ZNF197: variants seen among roughly 807,000 people sequenced by gnomAD.
The protein encoded by ZNF197 is zinc finger protein 197.
In ZNF197, 14 loss-of-function variants were observed where a neutral mutation model predicts 27.4. The observed-to-expected ratio is 0.51, with a 90% CI of 0.34 to 0.80. ZNF197 has a LOEUF of 0.80. Ranked by LOEUF, ZNF197 falls within the 30% of genes least tolerant of loss-of-function variation. ZNF197 has a pLI of 0.02. For missense variants in ZNF197, 1,090 were observed against 1,222.6 expected, an observed-to-expected ratio of 0.89 and a Z score of 1.62; for synonymous variants, 415 against 420.0, an observed-to-expected ratio of 0.99 and a Z score of 0.15.
At chr3:44,637,373 C>T (rs1245224980) in intron 5 of ZNF197, among the ~76,000 whole-genome samples, 1 of 152,192 alleles carries the variant, frequency 6.6e-6, no homozygotes, top group Non-Finnish European at 1.5e-5. Context: ...AGCGATCTTC[C>T]TGCCTCAGCC....
At chr3:44,631,370 T>C (rs1435994469) in intron 3 of ZNF197, 149 bp downstream of exon 3, 9 of 1,010,022 alleles carry the variant, frequency 8.9e-6, no homozygotes, top group South Asian at 1.7e-5. Context: ...GTTCTCTCCT[T>C]CTTTCTTGGG....
intron 5 of ZNF197, 65 bp from the exon 6 acceptor site, chr3:44,641,835 T>C: frequency 6.8e-7 from 1 of 1,471,420 alleles, no homozygotes; most frequent in Non-Finnish European, 9.0e-7. Context: ...TAAAGTCATT[T>C]GAAGATCCTG....
chr3:44,634,400 A>G (rs1003661153), intron 5 of ZNF197, among the ~76,000 whole-genome samples: 3 of 151,042 alleles, frequency 2.0e-5, no homozygotes, highest in Admixed American at 1.3e-4. Context: ...ATTTTCCTTT[A>G]TGGTCTTAGT....
rs1702974203 is a variant in ZNF197, at chr3:44,646,617, G to GA, written c.*2398dup. ...TTCAAAATATTATTATGATGAAAAA[G>GA]AGAGGGGAGTGAAAATTGTTCAAGC... On this transcript the variant is annotated 3_prime_UTR_variant, in exon 6 of 6. Coordinates refer to ENST00000344387, the MANE Select transcript of ZNF197 (RefSeq NM_006991.5). 1 of 781,102 alleles carries GA rather than the reference G, an allele frequency of 1.3e-6. No homozygotes were observed. The highest frequency in any genetic ancestry group is 1.7e-5 in the African/African-American group (1 of 57,754). 48.4% of individuals were successfully genotyped at this position (781,102 alleles called of 1,614,324 possible). A position where few individuals can be genotyped will look rare whatever the true frequency, so the allele number is the denominator to read the frequency against.
intron 5 of ZNF197, among the ~76,000 whole-genome samples, chr3:44,637,575 T>C (rs1047236502): frequency 1.3e-5 from 2 of 152,206 alleles, no homozygotes; most frequent in African/African-American, 4.8e-5. Context: ...TTTATGTCTA[T>C]GTTTTCTTTT....
In ZNF197 at chr3:44,646,413, T is replaced by A; in HGVS notation, c.*2193T>A. 6.2e-7 allele frequency: 1 copy of A among 1,607,260 alleles called. No individual in the cohort carries two copies. The highest frequency in any genetic ancestry group is 8.5e-7 in the Non-Finnish European group (1 of 1,176,898). ...GCTTAGATTGAGACAGCCCACATAA[T>A]GTGCCACCTTCTGTGATGTAATAAG... On this transcript the variant is annotated 3_prime_UTR_variant, in exon 6 of 6. Coordinates refer to ENST00000344387, the MANE Select transcript of ZNF197 (RefSeq NM_006991.5).
At chr3:44,629,676 T>C (rs1378460809) in intron 2 of ZNF197, 132 bp downstream of exon 2, 2 of 1,203,828 alleles carry the variant, frequency 1.7e-6, no homozygotes, top group African/African-American at 3.1e-5. Flanking sequence ...ACCTTAATGA[T>C]AATTAAAGCA....
chr3:44,646,213 A>G lies in ZNF197; in HGVS notation c.*1993A>G. Reference sequence around the variant, plus strand: ...TGGAGCCTTGAATTCCTCATCTGTTAAACAGGAGGAAGAATATCTACCTCA... The same window carrying G: ...TGGAGCCTTGAATTCCTCATCTGTTGAACAGGAGGAAGAATATCTACCTCA... On this transcript the variant is annotated 3_prime_UTR_variant, in exon 6 of 6. Coordinates refer to ENST00000344387, the MANE Select transcript of ZNF197 (RefSeq NM_006991.5). 1 of 979,768 alleles carries G rather than the reference A, an allele frequency of 1.0e-6. No individual in the cohort carries two copies. The highest frequency in any genetic ancestry group is 1.2e-6 in the Non-Finnish European group (1 of 824,806). 60.7% of individuals were successfully genotyped at this position (979,768 alleles called of 1,614,324 possible).
At position 44,646,753 on chromosome 3, in the gene ZNF197, T is replaced by G. The variant is rs759157103; in HGVS notation, c.*2533T>G. The G allele has an allele frequency of 1.4e-5, 7 of 489,850 alleles. No homozygotes were observed. Among genetic ancestry groups the G allele is most frequent in the Non-Finnish European group, 2.5e-5 (7 of 275,924 alleles). The allele number at this position is 489,850 out of a possible 1,614,324, so 30.3% of individuals were successfully genotyped here. On this transcript the variant is annotated 3_prime_UTR_variant, in exon 6 of 6. Transcript: ENST00000344387. ...GATGAGGAGGCTTGTTTTTAAAAGATAATACTAGAGAGCCGTTAGGTACTA... is the reference window on the plus strand; with the variant it reads ...GATGAGGAGGCTTGTTTTTAAAAGAGAATACTAGAGAGCCGTTAGGTACTA...
Position 44,641,983 on chromosome 3 carries a change from A to T in ZNF197, c.853A>T (p.Lys285Ter). The change falls in exon 6 of 6, where the codon AAA becomes TAA. Residue 285 changes from lysine (K) to a stop codon, truncating the protein, a stop_gained. Transcript: ENST00000344387. LOFTEE classifies it low-confidence loss of function (END_TRUNC). ...AGCAGACTCTCATAAAGGAACATCA[A>T]AAAGACTTCAAGGAAGTGTTCCCCA... ...QRADSHKGTS[K>*]RLQGSVPQVL... 6.2e-7 allele frequency: 1 copy of T among 1,613,686 alleles called. No homozygotes were observed. The highest frequency in any genetic ancestry group is 8.5e-7 in the Non-Finnish European group (1 of 1,179,678).
intron 1 of ZNF197, 84 bp downstream of exon 1, chr3:44,625,227 C>A (rs1187199716): frequency 1.3e-5 from 2 of 152,222 alleles, no homozygotes; most frequent in African/African-American, 4.8e-5. Context: ...GACTGCACAG[C>A]CCTCGGTAGC....
chr3:44,646,057 G>A lies in ZNF197; in HGVS notation c.*1837G>A, dbSNP rs954801210. The A allele has an allele frequency of 2.8e-5, 28 of 985,092 alleles. No individual in the cohort carries two copies. The African/African-American group carries it at 4.9e-4, about 17-fold the overall frequency. The allele number at this position is 985,092 out of a possible 1,614,324, so 61.0% of individuals were successfully genotyped here. On this transcript the variant is annotated 3_prime_UTR_variant, in exon 6 of 6. Transcript: ENST00000344387. ...TATTAATTCAACCCCACAGTTTCTTGGGGGCTGGTTCCTCATTAGAGTGAA... is the reference window on the plus strand; with the variant it reads ...TATTAATTCAACCCCACAGTTTCTTAGGGGCTGGTTCCTCATTAGAGTGAA...
At position 44,641,935 on chromosome 3, in the gene ZNF197, T is replaced by A. The variant is rs923789098; in HGVS notation, c.805T>A (p.Ser269Thr). The part of the protein sequence containing the change: ...ETMTENEEVT[S>T]KPSSSQRADS... ...CATGACCGAGAATGAGGAGGTGACA[T>A]CAAAGCCAAGTAGTTCTCAAAGAGC... The change falls in exon 6 of 6, where the codon TCA becomes ACA. Residue 269 changes from serine (S) to threonine (T), a missense_variant. Coordinates refer to ENST00000344387, the MANE Select transcript of ZNF197 (RefSeq NM_006991.5). The A allele has an allele frequency of 6.2e-7, 1 of 1,608,036 alleles. No individual in the cohort carries two copies. The highest frequency in any genetic ancestry group is 8.5e-7 in the Non-Finnish European group (1 of 1,177,374).
At position 44,642,008 on chromosome 3, in the gene ZNF197, AG is replaced by A; in HGVS notation, c.880del (p.Val294SerfsTer28). 1 of 1,614,068 alleles carries A rather than the reference AG, an allele frequency of 6.2e-7. No individual in the cohort carries two copies. The highest frequency in any genetic ancestry group is 8.5e-7 in the Non-Finnish European group (1 of 1,179,924). Reference sequence around the variant, plus strand: ...AAAAGACTTCAAGGAAGTGTTCCCCAGGTCCTTGATTTTGAAGAAGAGTGTG... The same window carrying A: ...AAAAGACTTCAAGGAAGTGTTCCCCAGTCCTTGATTTTGAAGAAGAGTGTG... ...TSKRLQGSVP[Q>X]VLDFEEECEW... On this transcript the variant is annotated frameshift_variant, in exon 6 of 6. Transcript: ENST00000344387. LOFTEE classifies it low-confidence loss of function (END_TRUNC).
chr3:44,645,112 T>A lies in ZNF197; in HGVS notation c.*892T>A. ...TGGCTTTCCCTTAATGGCCATGTGA[T>A]GTTATTAAGTCAGCCTCTAAAGCTT... On this transcript the variant is annotated 3_prime_UTR_variant, in exon 6 of 6. Coordinates refer to ENST00000344387, the MANE Select transcript of ZNF197 (RefSeq NM_006991.5). 1 of 971,694 alleles carries A rather than the reference T, an allele frequency of 1.0e-6. No individual in the cohort carries two copies. Among genetic ancestry groups the A allele is most frequent in the Non-Finnish European group, 1.2e-6 (1 of 817,478 alleles). The allele number at this position is 971,694 out of a possible 1,614,324, so 60.2% of individuals were successfully genotyped here. A position where few individuals can be genotyped will look rare whatever the true frequency, so the allele number is the denominator to read the frequency against.
In ZNF197 at chr3:44,642,060, G is replaced by A. The variant is rs1163752856; in HGVS notation, c.930G>A (p.Trp310Ter). 3 of 1,614,050 alleles carry A rather than the reference G, an allele frequency of 1.9e-6. No homozygotes were observed. Among genetic ancestry groups the A allele is most frequent in the Admixed American group, 1.7e-5 (1 of 60,014 alleles). ...AATGGCAAGTTTTGGCAAGTCAGTG[G>A]GGAAATGAAACAGATGAAAGGGCAG... is the stretch of plus-strand genomic sequence containing the variant. ...ECEWQVLASQ[W>*]GNETDERADT... is the part of the protein sequence containing the mutation. Residue 310 changes from tryptophan to a stop codon, truncating the protein, a stop_gained, in exon 6 of 6, where the codon TGG (tryptophan) becomes TGA (stop). Transcript: ENST00000344387. LOFTEE classifies it low-confidence loss of function (END_TRUNC).
chr3:44,646,525 A>C lies in ZNF197; in HGVS notation c.*2305A>C. 6.8e-7 allele frequency: 1 copy of C among 1,460,572 alleles called. No individual in the cohort carries two copies. Among genetic ancestry groups the C allele is most frequent in the Non-Finnish European group, 9.6e-7 (1 of 1,039,898 alleles). The allele number at this position is 1,460,572 out of a possible 1,614,324, so 90.5% of individuals were successfully genotyped here. ...AATACAGGAGGCAGAGGAACAAATA[A>C]AAGACACCACGAGAAACAGACACAT... On this transcript the variant is annotated 3_prime_UTR_variant, in exon 6 of 6. Coordinates refer to ENST00000344387, the MANE Select transcript of ZNF197 (RefSeq NM_006991.5).
intron 5 of ZNF197, among the ~76,000 whole-genome samples, chr3:44,635,168 T>TAA (rs35139527): frequency 2.3e-5 from 3 of 129,560 alleles, no homozygotes; most frequent in South Asian, 2.5e-4. Flanking sequence ...AGAGTTAAAC[T>TAA]AAAAAAAAAA....
rs770513230 is a variant in ZNF197 at position 44,642,896 on chromosome 3, CAG to C, written c.1768_1769del (p.Glu590LysfsTer7). ...CTCCTCTTACATCAGAGAGTCCACA[CAG>C]AAAAGAAAACCTTTGGTTGTAAAAA... On this transcript the variant is annotated frameshift_variant, in exon 6 of 6. Transcript: ENST00000344387. LOFTEE classifies it low-confidence loss of function (END_TRUNC). The C allele has an allele frequency of 1.9e-6, 3 of 1,614,106 alleles. No homozygotes were observed. The highest frequency in any genetic ancestry group is 2.5e-6 in the Non-Finnish European group (3 of 1,180,012).
Sources: allele counts gnomAD v4.1 joint callset (sites outside exome capture counted in the v4.1 genomes callset), GRCh38; gene constraint gnomAD v4.1.1; transcripts MANE v1.5; gene names NCBI Gene and HGNC (gene_info 2026-07-23, HGNC 2026-07-21).